Variants in MR1 observed in about 807,000 individuals in gnomAD.
The protein encoded by MR1 is major histocompatibility complex class I-related protein 1.
A neutral mutation model predicts 37.8 loss-of-function variants in MR1; 44 were observed. That is an observed-to-expected ratio of 1.16 (90% CI 0.91 to 1.50). The LOEUF is 1.50. Ranked by LOEUF, MR1 falls within the 40% of genes most tolerant of loss-of-function variation. The pLI is 0.00. For synonymous variants in MR1, 153 were observed against 155.8 expected (o/e 0.98, Z 0.13); for missense variants, 386 against 419.1 (o/e 0.92, Z 0.69).
At chr1:181,052,696 T>C (rs1272271429) in intron 4 of MR1, among the ~76,000 whole-genome samples, 186 bp downstream of exon 4, 1 of 152,174 alleles carries the variant, frequency 6.6e-6, no homozygotes, top group South Asian at 2.1e-4. Flanking sequence ...ATTAAAAAAT[T>C]ATTGAGGACC....
At chr1:181,034,860 G>A (rs143805827) in intron 1 of MR1, among the ~76,000 whole-genome samples, 1 of 152,154 alleles carries the variant, frequency 6.6e-6, no homozygotes, top group Non-Finnish European at 1.5e-5. Context: ...GGAAGGGCGA[G>A]GGGGGTGGAT....
At chr1:181,050,637 A>G (rs1658259254) in intron 3 of MR1, 1 of 301,410 alleles carries the variant, frequency 3.3e-6, no homozygotes, top group East Asian at 8.2e-5. Context: ...GGGCTCACAC[A>G]CCACCAGTAG....
At position 181,055,221 on chromosome 1, in the gene MR1, T is replaced by C. The variant is rs752406456; in HGVS notation, c.986-4T>C. On this transcript the variant is annotated splice_region_variant and splice_polypyrimidine_tract_variant and intron_variant, in intron 5 of 5. Coordinates refer to ENST00000367580, the MANE Select transcript of MR1 (RefSeq NM_001385161.1). ...AATCTGACTAAAAACCCCTTTCCTT[T>C]CAGAGCAAAATGGAGCCATCTACCT... The C allele has an allele frequency of 3.1e-6, 5 of 1,613,686 alleles. No homozygotes were observed. The highest frequency in any genetic ancestry group is 4.2e-6 in the Non-Finnish European group (5 of 1,179,592).
chr1:181,046,987 CT>C (rs1312208027), intron 1 of MR1, among the ~76,000 whole-genome samples: 1 of 152,132 alleles, frequency 6.6e-6, no homozygotes, highest in Non-Finnish European at 1.5e-5. Context: ...GACGCGCCAC[CT>C]TAAGAGCTGT....
At chr1:181,041,225 A>G (rs1018195799) in intron 1 of MR1, among the ~76,000 whole-genome samples, 2 of 152,248 alleles carry the variant, frequency 1.3e-5, no homozygotes, top group African/African-American at 4.8e-5. Flanking sequence ...TTACATTTTT[A>G]TAAGAAAGCA....
At chr1:181,050,763 A>G in intron 3 of MR1, 1 of 178,596 alleles carries the variant, frequency 5.6e-6, no homozygotes, top group East Asian at 1.4e-4. Flanking sequence ...AGGCTGAGGC[A>G]GGAGGATTGC....
intron 5 of MR1, among the ~76,000 whole-genome samples, 155 bp downstream of exon 5, chr1:181,053,832 A>T (rs1658462901): frequency 1.3e-5 from 2 of 152,188 alleles, no homozygotes; most frequent in Admixed American, 1.3e-4. Flanking sequence ...CCCACCATGT[A>T]GGGGACACAA....
In MR1 at chr1:181,042,639, TA is replaced by T. The variant is rs1297747901; in HGVS notation, c.68-6404del. 4.7e-5 allele frequency among the ~76,000 whole-genome samples: 7 copies of T among 149,964 alleles called. No homozygotes were observed. The East Asian group carries it at 8.0e-4, about 17-fold the overall frequency. On this transcript the variant is annotated intron_variant, in intron 1 of 5. Transcript: ENST00000367580. ...CAACGTGGCAAAAACCCGTCTATAC[TA>T]AAAAAAAATACAAAAATTAGCCAGG...
At chr1:181,040,589 G>T (rs1042512634) in intron 1 of MR1, among the ~76,000 whole-genome samples, 2 of 152,160 alleles carry the variant, frequency 1.3e-5, no homozygotes, top group Non-Finnish European at 2.9e-5. Flanking sequence ...TGGGCCCATG[G>T]CAAATGAAGA....
chr1:181,038,220 C>T (rs908145564), intron 1 of MR1, among the ~76,000 whole-genome samples: 1 of 152,146 alleles, frequency 6.6e-6, no homozygotes, highest in Non-Finnish European at 1.5e-5. Context: ...GAGTAGCTCA[C>T]AAGCCAAACT....
intron 1 of MR1, among the ~76,000 whole-genome samples, chr1:181,043,321 G>A (rs1657667300): frequency 1.3e-5 from 2 of 152,242 alleles, no homozygotes; most frequent in African/African-American, 4.8e-5. Context: ...CAGCTGACAT[G>A]CAGGATAACA....
intron 1 of MR1, among the ~76,000 whole-genome samples, chr1:181,039,802 G>T (rs1657458660): frequency 6.8e-6 from 1 of 147,784 alleles, no homozygotes; most frequent in Non-Finnish European, 1.5e-5. Context: ...GGAGGCAGAG[G>T]TTGCAGTGAG....
At chr1:181,049,616 AT>A in intron 2 of MR1, 2 of 499,660 alleles carry the variant, frequency 4.0e-6, no homozygotes, top group South Asian at 5.3e-5. Flanking sequence ...AAATTTGCCC[AT>A]TCTGCGTCTC....
intron 3 of MR1, 192 bp downstream of exon 3, chr1:181,050,478 C>G (rs1360876885): frequency 3.0e-6 from 2 of 668,096 alleles, no homozygotes; most frequent in Non-Finnish European, 5.1e-6. Flanking sequence ...CAAGATTTGA[C>G]AGTTCCCCTT....
At chr1:181,033,907 C>G (rs1219948703), upstream of MR1, 8 of 882,596 alleles carry the variant, frequency 9.1e-6, no homozygotes, top group East Asian at 2.1e-4. Context: ...CACTGCATAT[C>G]TTCCCCTGTT....
chr1:181,059,849 T>G lies in MR1; in HGVS notation c.*4584T>G, dbSNP rs1274816001. On this transcript the variant is annotated 3_prime_UTR_variant, in exon 6 of 6. Coordinates refer to ENST00000367580, the MANE Select transcript of MR1 (RefSeq NM_001385161.1). ...AGAACCCAACACTCAATAGGAAGAT[T>G]GTCAGAGTTACATTGTAAGAAGAGC... 1 of 152,214 alleles carries G rather than the reference T, an allele frequency of 6.6e-6. No individual in the cohort carries two copies. The highest frequency in any genetic ancestry group is 6.5e-5 in the Admixed American group (1 of 15,284). 9.4% of individuals were successfully genotyped at this position (152,214 alleles called of 1,614,324 possible). A position where few individuals can be genotyped will look rare whatever the true frequency, so the allele number is the denominator to read the frequency against.
intron 1 of MR1, 100 bp downstream of exon 1, chr1:181,034,174 CA>C: frequency 1.7e-6 from 2 of 1,153,740 alleles, no homozygotes; most frequent in South Asian, 1.5e-5. Flanking sequence ...ATATAGAAGC[CA>C]GGGGCAGAAA....
At position 181,059,486 on chromosome 1, in the gene MR1, T is replaced by C. The variant is rs1658802608; in HGVS notation, c.*4221T>C. 6.6e-6 allele frequency: 1 copy of C among 152,354 alleles called. No homozygotes were observed. Among genetic ancestry groups the C allele is most frequent in the East Asian group, 1.9e-4 (1 of 5,194 alleles). The allele number at this position is 152,354 out of a possible 1,614,324, so 9.4% of individuals were successfully genotyped here. Reference sequence around the variant, plus strand: ...TGGATATGGCTTGGGTAAGCAGTTCTGGCTTCTCATGGAGTTGGAGGCAAG... The same window carrying C: ...TGGATATGGCTTGGGTAAGCAGTTCCGGCTTCTCATGGAGTTGGAGGCAAG... On this transcript the variant is annotated 3_prime_UTR_variant, in exon 6 of 6. Transcript: ENST00000367580.
At chr1:181,049,896 G>T (rs1658199663) in intron 2 of MR1, 115 bp from the exon 3 acceptor site, 1 of 1,229,404 alleles carries the variant, frequency 8.1e-7, no homozygotes, top group Non-Finnish European at 1.1e-6. Flanking sequence ...TGGCAGGCCT[G>T]GGGGGTGACA....
Sources: allele counts gnomAD v4.1 joint callset (sites outside exome capture counted in the v4.1 genomes callset), GRCh38; gene constraint gnomAD v4.1.1; transcripts MANE v1.5; gene names NCBI Gene and HGNC (gene_info 2026-07-23, HGNC 2026-07-21).